Variants in NTRK2 observed in about 807,000 individuals in gnomAD.
NTRK2 encodes BDNF/NT-3 growth factors receptor.
Under a neutral mutation model 94.5 loss-of-function variants are expected in NTRK2, and 13 were observed. The observed-to-expected ratio is 0.14, with a 90% CI of 0.09 to 0.22. The LOEUF is 0.22. Among genes scored for constraint, NTRK2 ranks in the 10% least tolerant of loss-of-function variants. NTRK2 has a pLI of 1.00. For synonymous variants in NTRK2, 372 were observed against 407.4 expected, an observed-to-expected ratio of 0.91 and a Z score of 1.05; for missense variants, 639 against 1,071.2, an observed-to-expected ratio of 0.60 and a Z score of 5.63.
At chr9:84,676,005 A>G (rs2059029541) in intron 2 of NTRK2, among the ~76,000 whole-genome samples, 1 of 152,208 alleles carries the variant, frequency 6.6e-6, no homozygotes, top group African/African-American at 2.4e-5. Context: ...AAGAAAAGCA[A>G]TGTGTAGATA....
chr9:84,675,550 A>C (rs2059000061), intron 2 of NTRK2, among the ~76,000 whole-genome samples: 1 of 152,028 alleles, frequency 6.6e-6, no homozygotes, highest in Non-Finnish European at 1.5e-5. Context: ...TGCCCCTTGG[A>C]ACAATGCCAA....
At chr9:84,786,757 G>C (rs908634613) in intron 12 of NTRK2, among the ~76,000 whole-genome samples, 1 of 152,202 alleles carries the variant, frequency 6.6e-6, no homozygotes, top group Non-Finnish European at 1.5e-5. Context: ...CACCACGTGT[G>C]TGTGCTTGCA....
chr9:84,705,414 A>G (rs1053652113), intron 4 of NTRK2, among the ~76,000 whole-genome samples: 2 of 152,014 alleles, frequency 1.3e-5, no homozygotes, highest in Admixed American at 6.6e-5. Context: ...AGGATTGTTG[A>G]TTTTTTTCCC....
intron 7 of NTRK2, 101 bp from the exon 8 acceptor site, chr9:84,724,123 A>G: frequency 8.3e-7 from 1 of 1,210,294 alleles, no homozygotes; most frequent in Non-Finnish European, 1.2e-6. Context: ...TTCTAATGCT[A>G]TATATACATA....
intron 17 of NTRK2, among the ~76,000 whole-genome samples, chr9:84,968,467 G>A (rs1305672965): frequency 3.3e-5 from 5 of 152,162 alleles, no homozygotes; most frequent in African/African-American, 1.2e-4. Context: ...TTTTTAGATT[G>A]GGAAGGGGCT....
At chr9:85,020,451 C>T (rs2117960554) in intron 18 of NTRK2, 87 bp downstream of exon 18, 1 of 1,395,570 alleles carries the variant, frequency 7.2e-7, no homozygotes, top group Non-Finnish European at 1.0e-6. Context: ...GGTTGGAAGA[C>T]CATGTCAGGA....
intron 14 of NTRK2, among the ~76,000 whole-genome samples, chr9:84,906,649 G>A (rs1296568807): frequency 6.6e-6 from 1 of 152,174 alleles, no homozygotes; most frequent in Non-Finnish European, 1.5e-5. Context: ...CATTAAAACA[G>A]ACCCATCCCC....
chr9:84,757,280 T>C (rs1244909183), intron 12 of NTRK2, among the ~76,000 whole-genome samples: 1 of 152,220 alleles, frequency 6.6e-6, no homozygotes, highest in Non-Finnish European at 1.5e-5. Flanking sequence ...CCCATCACCT[T>C]CTTCTGCATG....
intron 12 of NTRK2, among the ~76,000 whole-genome samples, chr9:84,817,247 T>G (rs183581115): frequency 1.4e-3 from 207 of 152,342 alleles, no homozygotes; most frequent in African/African-American, 4.8e-3. Flanking sequence ...TCGCATATCT[T>G]GGTCATATGC....
At chr9:84,896,304 A>G (rs1219107086) in intron 14 of NTRK2, among the ~76,000 whole-genome samples, 1 of 152,190 alleles carries the variant, frequency 6.6e-6, no homozygotes, top group Non-Finnish European at 1.5e-5. Flanking sequence ...ATGAGGATAG[A>G]GATATTGGTC....
chr9:84,790,319 G>A (rs146930549), intron 12 of NTRK2, among the ~76,000 whole-genome samples: 157 of 152,298 alleles, frequency 1.0e-3, no homozygotes, highest in African/African-American at 3.2e-3. Flanking sequence ...CAGTTATTCA[G>A]TTGATTGTGG....
chr9:84,811,725 T>C (rs1424216202), intron 12 of NTRK2: 1 of 1,065,582 alleles, frequency 9.4e-7, no homozygotes, highest in Admixed American at 5.3e-5. Flanking sequence ...AATGAATATA[T>C]GCTTTATAAT....
intron 17 of NTRK2, among the ~76,000 whole-genome samples, chr9:84,994,867 C>A (rs1188806667): frequency 6.6e-6 from 1 of 152,116 alleles, no homozygotes; most frequent in Non-Finnish European, 1.5e-5. Context: ...GAGTTCCTGC[C>A]CAATGTGTGT....
At chr9:84,697,299 G>A (rs1325548608) in intron 2 of NTRK2, among the ~76,000 whole-genome samples, 4 of 152,144 alleles carry the variant, frequency 2.6e-5, no homozygotes, top group African/African-American at 7.2e-5. Context: ...TGGGCTCTGG[G>A]GGCGGAGGGG....
intron 12 of NTRK2, among the ~76,000 whole-genome samples, chr9:84,822,590 A>G (rs1161779955): frequency 1.3e-5 from 2 of 152,202 alleles, no homozygotes; most frequent in Admixed American, 1.3e-4. Flanking sequence ...TCAGACTGCA[A>G]TGCAAGCAGG....
intron 14 of NTRK2, among the ~76,000 whole-genome samples, chr9:84,924,228 G>GAAAGAAAGA (rs1564468564): frequency 7.6e-5 from 7 of 92,426 alleles, no homozygotes; most frequent in African/African-American, 2.9e-4. Context: ...AAGAAAGAAA[G>GAAAGAAAGA]TAGAAAGAAA....
chr9:85,002,409 T>C (rs1009663275), intron 17 of NTRK2, among the ~76,000 whole-genome samples: 5 of 152,198 alleles, frequency 3.3e-5, no homozygotes, highest in East Asian at 1.9e-4. Context: ...TCCCAGGTGC[T>C]GTGGGTGTCT....
intron 12 of NTRK2, among the ~76,000 whole-genome samples, chr9:84,841,460 T>G (rs963304339): frequency 6.6e-6 from 1 of 152,204 alleles, no homozygotes; most frequent in Admixed American, 6.5e-5. Context: ...TCACAGCTAC[T>G]AACCTGGTGC....
At chr9:84,930,211 A>G (rs915662481) in intron 14 of NTRK2, among the ~76,000 whole-genome samples, 6 of 152,228 alleles carry the variant, frequency 3.9e-5, no homozygotes, top group African/African-American at 1.4e-4. Flanking sequence ...CAATCAGCCA[A>G]ACTAAACCTT....
Sources: gnomAD v4.1 joint callset for allele counts (sites outside exome capture counted in the v4.1 genomes callset) on GRCh38, gnomAD v4.1.1 for gene constraint, MANE v1.5 for transcripts, NCBI Gene and HGNC (gene_info 2026-07-23, HGNC 2026-07-21) for gene names.